Variants in NACC1 observed in about 807,000 individuals in gnomAD.
NACC1 encodes the protein nucleus accumbens-associated protein 1.
Under a neutral mutation model 41.7 loss-of-function variants are expected in NACC1, and 6 were observed. The ratio of observed to expected loss-of-function variants is 0.14; its 90% CI spans 0.08 to 0.28. The LOEUF (loss-of-function observed/expected upper bound fraction) is 0.28, where lower values mean the gene tolerates loss of function less well. NACC1 is among the 10% of genes least tolerant of loss of function. NACC1 has a pLI of 1.00. For missense variants in NACC1, 434 were observed against 763.7 expected, an observed-to-expected ratio of 0.57 and a Z score of 5.09; for synonymous variants, 338 against 330.6, an observed-to-expected ratio of 1.02 and a Z score of -0.24.
intron 1 of NACC1, among the ~76,000 whole-genome samples, chr19:13,124,398 A>G (rs760463580): frequency 1.3e-5 from 2 of 151,836 alleles, no homozygotes; most frequent in African/African-American, 2.4e-5. Context: ...AGACTGTCTC[A>G]ACAAAAAAGA....
chr19:13,124,287 C>T (rs964757657), intron 1 of NACC1, among the ~76,000 whole-genome samples: 2 of 152,084 alleles, frequency 1.3e-5, no homozygotes, highest in East Asian at 1.9e-4. Flanking sequence ...GTAATCCTAG[C>T]TACTCAGGAG....
intron 1 of NACC1, among the ~76,000 whole-genome samples, chr19:13,122,845 G>A (rs182045410): frequency 2.0e-5 from 3 of 152,250 alleles, no homozygotes; most frequent in Admixed American, 2.0e-4. Flanking sequence ...GGCCCAGCAC[G>A]GGGCCAGGGG....
At chr19:13,118,136 G>A (rs908418533), upstream of NACC1, 2 of 152,064 alleles carry the variant, frequency 1.3e-5, no homozygotes, top group Non-Finnish European at 2.9e-5. Context: ...GAGCCGGTTA[G>A]AAGGGGCGCG....
At chr19:13,117,198 T>C (rs145700223), upstream of NACC1, 3 of 152,296 alleles carry the variant, frequency 2.0e-5, no homozygotes, top group African/African-American at 7.2e-5. Flanking sequence ...CACTCTAACA[T>C]TGTAAGCGCT....
In NACC1 at chr19:13,138,078, A is replaced by T; in HGVS notation, c.1325-69A>T. 1.3e-6 allele frequency: 2 copies of T among 1,579,016 alleles called. No homozygotes were observed. Among genetic ancestry groups the T allele is most frequent in the Non-Finnish European group, 1.7e-6 (2 of 1,160,750 alleles). On this transcript the variant is annotated intron_variant, in intron 5 of 5. Coordinates refer to ENST00000292431, the MANE Select transcript of NACC1 (RefSeq NM_052876.4). This position sits in a 1 kb window ranked among gnomAD's most constrained non-coding sequence, Gnocchi z 5.7. ...GAGGGAGTCGCAGATGCTGTAGGGG[A>T]GCTGGTGAGTAGGCCTTGTGGGAGT...
In NACC1 at chr19:13,137,408, G is replaced by C; in HGVS notation, c.1226+32G>C. On this transcript the variant is annotated intron_variant, in intron 4 of 5. Transcript: ENST00000292431. This position sits in a 1 kb window ranked among gnomAD's most constrained non-coding sequence, Gnocchi z 6.1. ...CCCTTGCCAGAGCCCCAGGGAGGGGGGTGGGGTTTCCCCATGTCCCCCCCA... is the reference window on the plus strand; with the variant it reads ...CCCTTGCCAGAGCCCCAGGGAGGGGCGTGGGGTTTCCCCATGTCCCCCCCA... 6.4e-7 allele frequency: 1 copy of C among 1,564,166 alleles called. No homozygotes were observed. The highest frequency in any genetic ancestry group is 8.8e-7 in the Non-Finnish European group (1 of 1,135,562).
At chr19:13,130,535 C>CTTTTTTT (rs34032574) in intron 1 of NACC1, among the ~76,000 whole-genome samples, 2 of 128,604 alleles carry the variant, frequency 1.6e-5, no homozygotes, top group Admixed American at 7.9e-5. Context: ...TTTTTCTTTT[C>CTTTTTTT]TTTTTTTTTT....
chr19:13,140,330 A>G lies in NACC1; in HGVS notation c.*1924A>G, dbSNP rs1274915252. The G allele has an allele frequency of 6.5e-6, 1 of 152,718 alleles. No homozygotes were observed. Among genetic ancestry groups the G allele is most frequent in the Non-Finnish European group, 1.5e-5 (1 of 68,188 alleles). The allele number at this position is 152,718 out of a possible 1,614,324, so 9.5% of individuals were successfully genotyped here. On this transcript the variant is annotated 3_prime_UTR_variant, in exon 6 of 6. Coordinates refer to ENST00000292431, the MANE Select transcript of NACC1 (RefSeq NM_052876.4). This position sits in a 1 kb window ranked among gnomAD's most constrained non-coding sequence, Gnocchi z 4.0. The stretch of plus-strand genomic sequence containing the variant: ...AGCACAATGCCCTGGTCACTTGGCA[A>G]GCGGCTGGGCCTGACGGAGGCCGAG...
chr19:13,126,374 C>T (rs1203822610), intron 1 of NACC1, among the ~76,000 whole-genome samples: 10 of 152,182 alleles, frequency 6.6e-5, no homozygotes, highest in Admixed American at 6.5e-4. Context: ...AATACCACTA[C>T]ATTGGAGATA....
rs1206579575 is a variant in NACC1 at position 13,137,841 on chromosome 19, A to G, written c.1324+266A>G. Among the ~76,000 whole-genome samples the G allele has an allele frequency of 1.3e-5, 2 of 152,224 alleles. No individual in the cohort carries two copies. The highest frequency in any genetic ancestry group is 2.9e-5 in the Non-Finnish European group (2 of 68,038). ...TCTGGGAGGGATGAGGCAGCCAGAC[A>G]GTGCTAGCCACTCGTCATGGGGGGC... On this transcript the variant is annotated intron_variant, in intron 5 of 5. Coordinates refer to ENST00000292431, the MANE Select transcript of NACC1 (RefSeq NM_052876.4). The surrounding 1 kb of genome is among the most constrained non-coding windows in gnomAD (Gnocchi z 6.1).
rs140114730 is a variant in NACC1, at chr19:13,137,499, C to T, written c.1248C>T (p.Cys416=). The T allele has an allele frequency of 6.9e-6, 11 of 1,598,496 alleles. No individual in the cohort carries two copies. Among genetic ancestry groups the T allele is most frequent in the African/African-American group, 2.7e-5 (2 of 74,870 alleles). Residue 416 remains cysteine (C), a synonymous_variant, in exon 5 of 6, where the codon TGC becomes TGT. Coordinates refer to ENST00000292431, the MANE Select transcript of NACC1 (RefSeq NM_052876.4). This position sits in a 1 kb window ranked among gnomAD's most constrained non-coding sequence, Gnocchi z 6.1. ...FFDRNTLANS[C]GTGIRSSTND... ...CCAGGAACACGCTGGCCAACAGCTG[C>T]GGCACCGGCATCCGCTCTTCTACCA...
rs2019773633 is a variant in NACC1, at chr19:13,140,455, TC to T, written c.*2050del. ...GGGCCAGCTCCTGGGCCTGGGGTCTTCTCACCCCCACCCCCTTGTCCTGGGT... is the reference window on the plus strand; with the variant it reads ...GGGCCAGCTCCTGGGCCTGGGGTCTTTCACCCCCACCCCCTTGTCCTGGGT... On this transcript the variant is annotated 3_prime_UTR_variant, in exon 6 of 6. Coordinates refer to ENST00000292431, the MANE Select transcript of NACC1 (RefSeq NM_052876.4). This position sits in a 1 kb window ranked among gnomAD's most constrained non-coding sequence, Gnocchi z 4.0. 1.3e-5 allele frequency: 2 copies of T among 152,374 alleles called. No homozygotes were observed. Among genetic ancestry groups the T allele is most frequent in the South Asian group, 4.1e-4 (2 of 4,840 alleles). The allele number at this position is 152,374 out of a possible 1,614,324, so 9.4% of individuals were successfully genotyped here.
At chr19:13,126,312 A>G (rs1254277831) in intron 1 of NACC1, among the ~76,000 whole-genome samples, 3 of 152,014 alleles carry the variant, frequency 2.0e-5, no homozygotes, top group African/African-American at 7.2e-5. Context: ...CAGCCTCCCA[A>G]AGTGCTGGGG....
rs147514422 is a variant in NACC1, at chr19:13,127,371, C to CTTTTTTTTTTTT, written c.-8-7811_-8-7800dup. Reference sequence around the variant, plus strand: ...AAAAAAAAGCATACATATACATATACTTTTTTTTTTTTTTTTTTTTTTTTT... The same window carrying CTTTTTTTTTTTT: ...AAAAAAAAGCATACATATACATATACTTTTTTTTTTTTTTTTTTTTTTTTTTTTTTTTTTTTT... On this transcript the variant is annotated intron_variant, in intron 1 of 5. Transcript: ENST00000292431. 8.8e-4 allele frequency among the ~76,000 whole-genome samples: 25 copies of CTTTTTTTTTTTT among 28,514 alleles called. 5 individuals carry two copies. Among genetic ancestry groups the CTTTTTTTTTTTT allele is most frequent in the East Asian group, 3.1e-3 (3 of 980 alleles). The allele number at this position is 28,514 out of a possible 152,430, so 18.7% of individuals were successfully genotyped here.
rs1185194770 is a variant in NACC1 at position 13,138,527 on chromosome 19, C to T, written c.*121C>T. On this transcript the variant is annotated 3_prime_UTR_variant, in exon 6 of 6. Transcript: ENST00000292431. The surrounding 1 kb of genome is among the most constrained non-coding windows in gnomAD (Gnocchi z 5.7). ...ACCCGCGGTGGGTGCTGCATGTTCC[C>T]GGCCCTCTGCCCCTCCTGTCCTACC... 26 of 1,401,972 alleles carry T rather than the reference C, an allele frequency of 1.9e-5. No homozygotes were observed. In the Admixed American group the frequency reaches 3.6e-4, roughly 19 times the overall value. The allele number at this position is 1,401,972 out of a possible 1,614,324, so 86.8% of individuals were successfully genotyped here.
chr19:13,122,554 G>A (rs970862827), intron 1 of NACC1, among the ~76,000 whole-genome samples: 1 of 146,818 alleles, frequency 6.8e-6, no homozygotes, highest in African/African-American at 2.5e-5. Context: ...CTGGCATCTA[G>A]TGGGTTTATA....
intron 1 of NACC1, among the ~76,000 whole-genome samples, chr19:13,118,722 G>A (rs192766777): frequency 6.6e-6 from 1 of 151,582 alleles, no homozygotes; most frequent in African/African-American, 2.4e-5. Context: ...TCGGGCCGGG[G>A]CAGGTACCGG....
At chr19:13,123,256 T>A (rs892463283) in intron 1 of NACC1, among the ~76,000 whole-genome samples, 7 of 152,176 alleles carry the variant, frequency 4.6e-5, no homozygotes, top group African/African-American at 1.7e-4. Context: ...CTTTTGGGTA[T>A]GATCTGATTA....
intron 1 of NACC1, among the ~76,000 whole-genome samples, chr19:13,134,444 C>A (rs2019673656): frequency 6.6e-6 from 1 of 151,844 alleles, no homozygotes; most frequent in Non-Finnish European, 1.5e-5. Context: ...AATCTCGGCT[C>A]ACTGCAACCT....
Sources: allele counts gnomAD v4.1 joint callset (sites outside exome capture counted in the v4.1 genomes callset), GRCh38; gene constraint gnomAD v4.1.1; non-coding constraint Gnocchi (gnomAD v3.1); transcripts MANE v1.5; gene names NCBI Gene and HGNC (gene_info 2026-07-23, HGNC 2026-07-21).